The following KRT37 variants were observed in gnomAD, a reference collection of about 807,000 sequenced individuals.
KRT37 encodes the protein keratin 37, also known as keratin, type I cuticular Ha7.
A neutral mutation model predicts 41.9 loss-of-function variants in KRT37; 38 were observed. The observed-to-expected ratio is 0.91, with a 90% CI of 0.70 to 1.19. KRT37 has a LOEUF of 1.19. Among genes scored for constraint, KRT37 ranks in the 50% most tolerant of loss-of-function variants. The pLI, the probability that KRT37 is intolerant of heterozygous loss-of-function variation, is 0.00. For missense variants in KRT37, 580 were observed against 575.5 expected (o/e 1.01, Z -0.08); for synonymous variants, 252 against 243.4 (o/e 1.04, Z -0.33).
Position 41,420,954 on chromosome 17 carries a change from G to A in KRT37, c.1274C>T (p.Ser425Phe). The A allele has an allele frequency of 6.2e-7, 1 of 1,614,110 alleles. No individual in the cohort carries two copies. The highest frequency in any genetic ancestry group is 1.1e-5 in the South Asian group (1 of 91,074). Reference sequence around the variant, plus strand: ...GCCACAGCTTGGACAAGAAGTACAGGAGGCAGGCGTGGAACAGGGATTGCA... The same window carrying A: ...GCCACAGCTTGGACAAGAAGTACAGAAGGCAGGCGTGGAACAGGGATTGCA... ...LPCNPCSTPA[S>F]CTSCPSCGPV... is the part of the protein sequence containing the mutation. The change falls in exon 7 of 7, where the codon TCC becomes TTC. Residue 425 changes from serine (S) to phenylalanine (F), a missense_variant. Coordinates refer to ENST00000225550, the MANE Select transcript of KRT37 (RefSeq NM_003770.5).
chr17:41,421,322 T>C, intron 6 of KRT37, 45 bp downstream of exon 6: 1 of 1,593,920 alleles, frequency 6.3e-7, no homozygotes, highest in South Asian at 1.1e-5. Flanking sequence ...AGGAATTGCC[T>C]GACAGTCATG....
rs372028668 is a variant in KRT37 at position 41,424,077 on chromosome 17, G to A, written c.447C>T (p.Pro149=). The change falls in exon 1 of 7, where the codon CCC becomes CCT. Residue 149 remains proline, a synonymous_variant. Transcript: ENST00000225550. Reference sequence around the variant, plus strand: ...TTGTACGGAAGTAGGACTGGTAGTCGGGGCACACGGTGGACTCGTGGCACT... The same window carrying A: ...TTGTACGGAAGTAGGACTGGTAGTCAGGGCACACGGTGGACTCGTGGCACT... ...RSKCHESTVC[P]DYQSYFRTIE... 1.3e-4 allele frequency: 205 copies of A among 1,614,174 alleles called. No individual in the cohort carries two copies. The highest frequency in any genetic ancestry group is 5.2e-4 in the Admixed American group (31 of 60,030).
Position 41,421,113 on chromosome 17 carries a change from G to T in KRT37, c.1242-127C>A, listed in dbSNP as rs895179846. 5.0e-6 allele frequency: 4 copies of T among 792,142 alleles called. No homozygotes were observed. The African/African-American group carries it at 5.2e-5, about 10-fold the overall frequency. The allele number at this position is 792,142 out of a possible 1,614,324, so 49.1% of individuals were successfully genotyped here. On this transcript the variant is annotated intron_variant, in intron 6 of 6. Coordinates refer to ENST00000225550, the MANE Select transcript of KRT37 (RefSeq NM_003770.5). ...ACAGACCAGAGAATCTATACCAACAGTTCTCTCATCTGTGTCTTTCTACAT... is the reference window on the plus strand; with the variant it reads ...ACAGACCAGAGAATCTATACCAACATTTCTCTCATCTGTGTCTTTCTACAT...
Position 41,422,367 on chromosome 17 carries a change from A to C in KRT37, c.800T>G (p.Ile267Ser), listed in dbSNP as rs1309353537. Reference sequence around the variant, plus strand: ...CTCCCCCAACACCCTGTTCAGGTCAATGGTGGGCTCAATGTCCAGCTCGAT... The same window carrying C: ...CTCCCCCAACACCCTGTTCAGGTCACTGGTGGGCTCAATGTCCAGCTCGAT... ...FRIELDIEPTIDLNRVLGEMR... is the reference protein window; with the variant it reads ...FRIELDIEPTSDLNRVLGEMR... The change falls in exon 4 of 7, where the codon ATT becomes AGT. Residue 267 changes from isoleucine (I) to serine (S), a missense_variant. By Grantham distance (142) the Ile-to-Ser change is moderately radical. Coordinates refer to ENST00000225550, the MANE Select transcript of KRT37 (RefSeq NM_003770.5). 6.2e-7 allele frequency: 1 copy of C among 1,614,146 alleles called. No homozygotes were observed.
In KRT37 at chr17:41,424,015, G is replaced by A. The variant is rs372259394; in HGVS notation, c.492+17C>T. 311 of 1,609,342 alleles carry A rather than the reference G, an allele frequency of 1.9e-4. No individual in the cohort carries two copies. The highest frequency in any genetic ancestry group is 2.5e-4 in the Non-Finnish European group (300 of 1,176,474). ...GCCTTCTCAGACCCAGCATGCCCAGGCGATCCCACACCTCACCTTCTGCTG... is the reference window on the plus strand; with the variant it reads ...GCCTTCTCAGACCCAGCATGCCCAGACGATCCCACACCTCACCTTCTGCTG... On this transcript the variant is annotated intron_variant, in intron 1 of 6. Coordinates refer to ENST00000225550, the MANE Select transcript of KRT37 (RefSeq NM_003770.5).
At position 41,422,062 on chromosome 17, in the gene KRT37, C is replaced by T; in HGVS notation, c.1020+7G>A. ...TTTGCAGTGCAGTGAGGGTGAAGGA[C>T]ACGTACCAAGGTGTGCTGGGCTTGG... On this transcript the variant is annotated splice_region_variant and intron_variant, in intron 5 of 6. Coordinates refer to ENST00000225550, the MANE Select transcript of KRT37 (RefSeq NM_003770.5). The T allele has an allele frequency of 6.2e-7, 1 of 1,614,204 alleles. No homozygotes were observed. Among genetic ancestry groups the T allele is most frequent in the Non-Finnish European group, 8.5e-7 (1 of 1,180,028 alleles).
rs566252677 is a variant in KRT37, at chr17:41,422,975, A to G, written c.576-41T>C. 48 of 1,588,748 alleles carry G rather than the reference A, an allele frequency of 3.0e-5. No individual in the cohort carries two copies. The East Asian group carries it at 7.0e-4, about 23-fold the overall frequency. ...GCACAGGGTCAAAAAGAATGCCCCA[A>G]TAGCCCCTCTCAGCTGCCCTGGCTT... On this transcript the variant is annotated intron_variant, in intron 2 of 6. Transcript: ENST00000225550.
intron 6 of KRT37, 41 bp downstream of exon 6, chr17:41,421,326 A>T (rs1191051941): frequency 6.3e-7 from 1 of 1,596,608 alleles, no homozygotes; most frequent in Non-Finnish European, 8.6e-7. Flanking sequence ...ATTGCCTGAC[A>T]GTCATGTGTG....
At position 41,421,501 on chromosome 17, in the gene KRT37, C is replaced by G; in HGVS notation, c.1107G>C (p.Leu369Phe). 6.2e-7 allele frequency: 1 copy of G among 1,614,224 alleles called. No homozygotes were observed. Among genetic ancestry groups the G allele is most frequent in the Non-Finnish European group, 8.5e-7 (1 of 1,180,032 alleles). ...CCCGGATCTCAGACAACTGCTCTTC[C>G]AAGTTGCTAATGAGGCTCTGCATCT... Reference protein sequence around the residue: ...LAQMQSLISNLEEQLSEIRAD... With the variant: ...LAQMQSLISNFEEQLSEIRAD... The change falls in exon 6 of 7, where the codon TTG becomes TTC. Residue 369 changes from leucine to phenylalanine, a missense_variant. Leu to Phe is a conservative substitution (Grantham distance 22). Coordinates refer to ENST00000225550, the MANE Select transcript of KRT37 (RefSeq NM_003770.5).
At position 41,424,576 on chromosome 17, in the gene KRT37, C is replaced by A; in HGVS notation, c.-53G>T. ...TTCAGATCAGCTGGGAAGGCTGAGC[C>A]ACTGAGACTGAAGCCTCCTCTCCTC... On this transcript the variant is annotated 5_prime_UTR_variant, in exon 1 of 7. Transcript: ENST00000225550. The A allele has an allele frequency of 6.6e-7, 1 of 1,519,182 alleles. No homozygotes were observed. Among genetic ancestry groups the A allele is most frequent in the East Asian group, 2.3e-5 (1 of 43,922 alleles). 94.1% of individuals were successfully genotyped at this position (1,519,182 alleles called of 1,614,324 possible).
At position 41,424,026 on chromosome 17, in the gene KRT37, C is replaced by A; in HGVS notation, c.492+6G>T. ...CCCAGCATGCCCAGGCGATCCCACA[C>A]CTCACCTTCTGCTGGAGCTCCTCGA... On this transcript the variant is annotated splice_donor_region_variant and intron_variant, in intron 1 of 6. Transcript: ENST00000225550. The A allele has an allele frequency of 6.2e-7, 1 of 1,611,448 alleles. No individual in the cohort carries two copies. Among genetic ancestry groups the A allele is most frequent in the Non-Finnish European group, 8.5e-7 (1 of 1,177,824 alleles).
chr17:41,421,113 G>A, intron 6 of KRT37, 127 bp from the exon 7 acceptor site: 1 of 792,262 alleles, frequency 1.3e-6, no homozygotes. Flanking sequence ...TATACCAACA[G>A]TTCTCTCATC....
Position 41,424,050 on chromosome 17 carries a change from G to C in KRT37, c.474C>G (p.Ile158Met), listed in dbSNP as rs148245015. 5 of 1,613,336 alleles carry C rather than the reference G, an allele frequency of 3.1e-6. No individual in the cohort carries two copies. The highest frequency in any genetic ancestry group is 4.2e-6 in the Non-Finnish European group (5 of 1,179,438). ...CPDYQSYFRT[I>M]EELQQKILCS... is the part of the protein sequence containing the mutation. ...ACCTCACCTTCTGCTGGAGCTCCTC[G>C]ATTGTACGGAAGTAGGACTGGTAGT... is the stretch of plus-strand genomic sequence containing the variant. Residue 158 changes from isoleucine (I) to methionine (M), a missense_variant, in exon 1 of 7, where the codon ATC becomes ATG. By Grantham distance (10) the Ile-to-Met change is conservative. Coordinates refer to ENST00000225550, the MANE Select transcript of KRT37 (RefSeq NM_003770.5).
chr17:41,422,341 TCTCCCC>T lies in KRT37; in HGVS notation c.820_825del (p.Gly274_Glu275del). 6.2e-7 allele frequency: 1 copy of T among 1,614,056 alleles called. No homozygotes were observed. The highest frequency in any genetic ancestry group is 8.5e-7 in the Non-Finnish European group (1 of 1,179,986). On this transcript the variant is annotated inframe_deletion, in exon 4 of 7. Transcript: ENST00000225550. ...ACCATGGCCTCGTACTGAGCCCGCA[TCTCCCC>T]CAACACCCTGTTCAGGTCAATGGTG...
At chr17:41,423,676 A>G (rs1435828213) in intron 2 of KRT37, 86 bp downstream of exon 2, 1 of 1,239,678 alleles carries the variant, frequency 8.1e-7, no homozygotes, top group African/African-American at 1.5e-5. Flanking sequence ...GTTTTTGAAC[A>G]CCTACAATAT....
chr17:41,422,996 G>A, intron 2 of KRT37, 62 bp from the exon 3 acceptor site: 1 of 1,558,610 alleles, frequency 6.4e-7, no homozygotes, highest in Non-Finnish European at 8.7e-7. Context: ...CAGCTGCCCT[G>A]GCTTCCTACC....
intron 5 of KRT37, 136 bp from the exon 6 acceptor site, chr17:41,421,723 T>C: frequency 1.2e-6 from 1 of 844,682 alleles, no homozygotes; most frequent in Non-Finnish European, 1.8e-6. Context: ...GAAATCACTG[T>C]CAACATGACC....
chr17:41,421,692 G>A, intron 5 of KRT37, 105 bp from the exon 6 acceptor site: 3 of 1,063,876 alleles, frequency 2.8e-6, no homozygotes, highest in Non-Finnish European at 1.4e-6. Context: ...AAATGTCATA[G>A]GACATTCTCA....
At position 41,423,794 on chromosome 17, in the gene KRT37, G is replaced by C; in HGVS notation, c.543C>G (p.Asn181Lys). The C allele has an allele frequency of 1.9e-6, 3 of 1,614,222 alleles. No individual in the cohort carries two copies. The highest frequency in any genetic ancestry group is 2.5e-6 in the Non-Finnish European group (3 of 1,180,040). Reference protein sequence around the residue: ...ENARLIVQIDNAKLAADDFRI... With the variant: ...ENARLIVQIDKAKLAADDFRI... Reference sequence around the variant, plus strand: ...TAAAGTCATCAGCAGCCAGCTTCGCGTTGTCAATTTGTACAATCAGCCTGG... The same window carrying C: ...TAAAGTCATCAGCAGCCAGCTTCGCCTTGTCAATTTGTACAATCAGCCTGG... The change falls in exon 2 of 7, where the codon AAC becomes AAG. Residue 181 changes from asparagine (N) to lysine (K), a missense_variant. Physicochemically the swap from Asn to Lys is moderately conservative, Grantham distance 94 (BLOSUM62 0). Coordinates refer to ENST00000225550, the MANE Select transcript of KRT37 (RefSeq NM_003770.5).
Sources: gnomAD v4.1 joint callset for allele counts on GRCh38, gnomAD v4.1.1 for gene constraint, MANE v1.5 for transcripts, NCBI Gene and HGNC (gene_info 2026-07-23, HGNC 2026-07-21) for gene names.